ZDHHC14: variants seen among roughly 807,000 people sequenced by gnomAD.
ZDHHC14 encodes the protein zDHHC palmitoyltransferase 14, also known as palmitoyltransferase ZDHHC14.
A neutral mutation model predicts 47.7 loss-of-function variants in ZDHHC14; 16 were observed. The observed-to-expected ratio is 0.34, with a 90% confidence interval of 0.23 to 0.51. The LOEUF (loss-of-function observed/expected upper bound fraction) is 0.51, where lower values mean the gene tolerates loss of function less well. Ranked by LOEUF, ZDHHC14 falls within the 20% of genes least tolerant of loss-of-function variation. ZDHHC14 has a pLI of 0.97. For missense variants in ZDHHC14, 515 were observed against 662.5 expected (o/e 0.78, Z 2.44); for synonymous variants, 293 against 278.9 (o/e 1.05, Z -0.50).
intron 3 of ZDHHC14, among the ~76,000 whole-genome samples, chr6:157,594,721 C>T (rs1784053215): frequency 6.6e-6 from 1 of 152,224 alleles, no homozygotes. Flanking sequence ...AGGGTTTCTA[C>T]AAGGTTTCTA....
Position 157,509,266 on chromosome 6 carries a change from T to TAGTG in ZDHHC14, c.246-33317_246-33314dup, listed in dbSNP as rs199792137. Reference sequence around the variant, plus strand: ...TGTCCCCATCTTACCATCAGCTGAATAGTGACCTTAGGAGCATCTGCAGAG... The same window carrying TAGTG: ...TGTCCCCATCTTACCATCAGCTGAATAGTGAGTGACCTTAGGAGCATCTGCAGAG... On this transcript the variant is annotated intron_variant, in intron 1 of 8. Coordinates refer to ENST00000359775, the MANE Select transcript of ZDHHC14 (RefSeq NM_024630.3). 5.0e-3 allele frequency among the ~76,000 whole-genome samples: 765 copies of TAGTG among 152,322 alleles called. 3 individuals carry two copies. The highest frequency in any genetic ancestry group is 0.017 in the African/African-American group (727 of 41,562).
At chr6:157,611,066 G>C (rs1311103340) in intron 3 of ZDHHC14, among the ~76,000 whole-genome samples, 1 of 152,114 alleles carries the variant, frequency 6.6e-6, no homozygotes, top group Non-Finnish European at 1.5e-5. Context: ...GTCTGCTGGA[G>C]TGCTGTGATG....
In ZDHHC14 at chr6:157,678,147, T is replaced by A. The variant is rs1275115147; in HGVS notation, c.*5025T>A. 3 of 152,228 alleles carry A rather than the reference T, an allele frequency of 2.0e-5. No homozygotes were observed. Among genetic ancestry groups the A allele is most frequent in the Non-Finnish European group, 4.4e-5 (3 of 68,038 alleles). 9.4% of individuals were successfully genotyped at this position (152,228 alleles called of 1,614,324 possible). A position where few individuals can be genotyped will look rare whatever the true frequency, so the allele number is the denominator to read the frequency against. ...CCTTCAATAAAAACTGCTAATGGCATAAAATGTAAATTTCAGCCTTTATAA... is the reference window on the plus strand; with the variant it reads ...CCTTCAATAAAAACTGCTAATGGCAAAAAATGTAAATTTCAGCCTTTATAA... On this transcript the variant is annotated 3_prime_UTR_variant, in exon 9 of 9. Transcript: ENST00000359775.
chr6:157,619,012 C>T (rs1004670442), intron 3 of ZDHHC14, among the ~76,000 whole-genome samples: 1 of 152,060 alleles, frequency 6.6e-6, no homozygotes, highest in African/African-American at 2.4e-5. Flanking sequence ...TTGTTTCTAC[C>T]CAGCAGAGCT....
At chr6:157,455,098 G>T (rs970825424) in intron 1 of ZDHHC14, among the ~76,000 whole-genome samples, 6 of 152,190 alleles carry the variant, frequency 3.9e-5, no homozygotes, top group Non-Finnish European at 8.8e-5. Context: ...GCGCAGCCAG[G>T]CCACTTTGAA....
At chr6:157,602,279 G>T (rs1346994099) in intron 3 of ZDHHC14, among the ~76,000 whole-genome samples, 1 of 151,596 alleles carries the variant, frequency 6.6e-6, no homozygotes, top group Non-Finnish European at 1.5e-5. Context: ...GGTCAAGGTG[G>T]GCCAGTCACT....
intron 8 of ZDHHC14, among the ~76,000 whole-genome samples, chr6:157,660,965 G>A (rs1778320764): frequency 6.6e-6 from 1 of 152,244 alleles, no homozygotes; most frequent in African/African-American, 2.4e-5. Context: ...ACTGTTGGGG[G>A]AGGGGCAGGG....
intron 3 of ZDHHC14, among the ~76,000 whole-genome samples, chr6:157,599,757 C>T (rs1256297262): frequency 6.6e-6 from 1 of 152,130 alleles, no homozygotes; most frequent in East Asian, 1.9e-4. Flanking sequence ...AAACAGCAAC[C>T]AATAGGTTGC....
intron 3 of ZDHHC14, among the ~76,000 whole-genome samples, chr6:157,626,892 G>GA (rs1305693377): frequency 1.2e-5 from 1 of 84,474 alleles, no homozygotes; most frequent in East Asian, 2.2e-4. Context: ...TTTCCAGCTG[G>GA]GGGGGGGGCG....
intron 1 of ZDHHC14, among the ~76,000 whole-genome samples, chr6:157,439,071 G>C (rs1044327988): frequency 6.6e-6 from 1 of 152,156 alleles, no homozygotes; most frequent in African/African-American, 2.4e-5. Context: ...AAAGTACCCT[G>C]TCACTTGGGT....
rs563677221 is a variant in ZDHHC14 at position 157,410,905 on chromosome 6, C to G, written c.245+28639C>G. 3.9e-5 allele frequency among the ~76,000 whole-genome samples: 6 copies of G among 152,242 alleles called. No homozygotes were observed. The South Asian group carries it at 1.2e-3, about 32-fold the overall frequency. On this transcript the variant is annotated intron_variant, in intron 1 of 8. Transcript: ENST00000359775. ...AGAGACGGGGTTTCACCATGTTGGC[C>G]AGGATGGTCTCGATCTTCTGACCTC...
chr6:157,618,232 TC>T (rs1785042772), intron 3 of ZDHHC14, among the ~76,000 whole-genome samples: 1 of 152,096 alleles, frequency 6.6e-6, no homozygotes, highest in South Asian at 2.1e-4. Flanking sequence ...GGAGCTTATC[TC>T]AGAGTTTCAC....
At chr6:157,433,411 G>A (rs888283482) in intron 1 of ZDHHC14, among the ~76,000 whole-genome samples, 8 of 152,142 alleles carry the variant, frequency 5.3e-5, no homozygotes, top group African/African-American at 1.9e-4. Context: ...GAAACTCATA[G>A]GTATTCACTA....
intron 3 of ZDHHC14, among the ~76,000 whole-genome samples, chr6:157,599,918 T>C (rs1784277401): frequency 6.6e-6 from 1 of 152,250 alleles, no homozygotes; most frequent in African/African-American, 2.4e-5. Context: ...TTTGCCGTTG[T>C]GTTAACTCTA....
intron 1 of ZDHHC14, among the ~76,000 whole-genome samples, chr6:157,459,309 G>A (rs1254867735): frequency 6.6e-6 from 1 of 152,180 alleles, no homozygotes; most frequent in Non-Finnish European, 1.5e-5. Flanking sequence ...ACCATTTGAT[G>A]ATGGCAGCAA....
At chr6:157,615,654 G>C (rs1162907589) in intron 3 of ZDHHC14, among the ~76,000 whole-genome samples, 3 of 152,204 alleles carry the variant, frequency 2.0e-5, no homozygotes, top group African/African-American at 7.2e-5. Context: ...CTCTGCCGTA[G>C]AGTCCTACAT....
chr6:157,501,566 T>C (rs1486098343), intron 1 of ZDHHC14, among the ~76,000 whole-genome samples: 2 of 152,260 alleles, frequency 1.3e-5, no homozygotes, highest in Non-Finnish European at 1.5e-5. Context: ...TTTGTATCCA[T>C]GAACATGCAA....
At chr6:157,521,730 G>C (rs185156305) in intron 1 of ZDHHC14, among the ~76,000 whole-genome samples, 6 of 152,232 alleles carry the variant, frequency 3.9e-5, no homozygotes, top group Non-Finnish European at 8.8e-5. Flanking sequence ...AGCTTCTTTG[G>C]TGTGAGGAGA....
At chr6:157,396,531 T>C (rs1291441746) in intron 1 of ZDHHC14, among the ~76,000 whole-genome samples, 1 of 152,226 alleles carries the variant, frequency 6.6e-6, no homozygotes, top group Admixed American at 6.5e-5. Context: ...ACTTAAATTA[T>C]CTCACACTTA....
Sources: gnomAD v4.1 joint callset for allele counts (sites outside exome capture counted in the v4.1 genomes callset) on GRCh38, gnomAD v4.1.1 for gene constraint, MANE v1.5 for transcripts, NCBI Gene and HGNC (gene_info 2026-07-23, HGNC 2026-07-21) for gene names.